KLF12: variants seen among roughly 807,000 people sequenced by gnomAD.
KLF12 encodes KLF transcription factor 12.
KLF12 carries 9 observed loss-of-function variants against 37.8 expected under a neutral mutation model. The ratio of observed to expected loss-of-function variants is 0.24; its 90% CI spans 0.14 to 0.42. The LOEUF is 0.42. Among genes scored for constraint, KLF12 ranks in the 10% least tolerant of loss-of-function variants. The probability of loss-of-function intolerance (pLI) is 1.00; values close to 1 mark genes in which losing one functional copy is unlikely to be tolerated. For synonymous variants in KLF12, 208 were observed against 202.1 expected (o/e 1.03, Z -0.25); for missense variants, 411 against 516.0 (o/e 0.80, Z 1.97).
At chr13:73,960,853 A>T (rs1370859968) in intron 2 of KLF12, among the ~76,000 whole-genome samples, 3 of 152,190 alleles carry the variant, frequency 2.0e-5, no homozygotes, top group Admixed American at 6.5e-5. Context: ...GTTCCTTGAC[A>T]ATAGACAAAT....
intron 3 of KLF12, among the ~76,000 whole-genome samples, chr13:73,849,951 G>A (rs950463343): frequency 1.3e-5 from 2 of 152,118 alleles, no homozygotes; most frequent in Admixed American, 6.6e-5. Context: ...ACAACATGAA[G>A]ATTGTATAAG....
At chr13:74,153,544 T>C in the KLF12 span, among the ~76,000 whole-genome samples, 1 of 152,298 alleles carries the variant, frequency 6.6e-6, no homozygotes, top group African/African-American at 2.4e-5. Flanking sequence ...GTTCCAAATA[T>C]GGGGTTTCTT....
At chr13:73,932,786 A>G (rs1889747755) in intron 3 of KLF12, among the ~76,000 whole-genome samples, 1 of 152,200 alleles carries the variant, frequency 6.6e-6, no homozygotes, top group Admixed American at 6.5e-5. Flanking sequence ...CATTTACTGT[A>G]GGATACTGCA....
chr13:73,870,440 T>A (rs527789577), intron 3 of KLF12, among the ~76,000 whole-genome samples: 3 of 152,242 alleles, frequency 2.0e-5, no homozygotes, highest in Non-Finnish European at 4.4e-5. Context: ...GGTTAGCACT[T>A]TTCAAACATT....
At chr13:73,728,592 T>C (rs1344290635) in intron 6 of KLF12, among the ~76,000 whole-genome samples, 1 of 152,234 alleles carries the variant, frequency 6.6e-6, no homozygotes, top group Non-Finnish European at 1.5e-5. Flanking sequence ...CTGAGGATAC[T>C]GCCACCTATT....
intron 5 of KLF12, among the ~76,000 whole-genome samples, chr13:73,795,185 C>T (rs918048148): frequency 7.2e-5 from 11 of 152,188 alleles, no homozygotes; most frequent in African/African-American, 1.9e-4. Flanking sequence ...GCCTGATCCA[C>T]GCAGACCTTC....
Position 73,688,769 on chromosome 13 carries a change from TGAC to T in KLF12, c.*6718_*6720del, listed in dbSNP as rs1411016383. On this transcript the variant is annotated 3_prime_UTR_variant, in exon 8 of 8. Transcript: ENST00000377669. ...CCGATATTTCACTTGAAAAATATGA[TGAC>T]TACTCATGCATGTTGTCCATAATAA... 1.3e-5 allele frequency: 2 copies of T among 152,178 alleles called. No individual in the cohort carries two copies. Among genetic ancestry groups the T allele is most frequent in the Non-Finnish European group, 2.9e-5 (2 of 68,038 alleles). 9.4% of individuals were successfully genotyped at this position (152,178 alleles called of 1,614,324 possible).
rs576282496 is a variant in KLF12 at position 73,934,765 on chromosome 13, C to A, written c.123+9216G>T. Among the ~76,000 whole-genome samples, 6 of 152,016 alleles carry A rather than the reference C, an allele frequency of 3.9e-5. No homozygotes were observed. In the East Asian group the frequency reaches 1.2e-3, roughly 29 times the overall value. ...TGTGAGTTTATAGTTTCCATCCCAT[C>A]TGAAAAATGTTCAGCTTTTTTTCTT... On this transcript the variant is annotated intron_variant, in intron 3 of 7. Coordinates refer to ENST00000377669, the MANE Select transcript of KLF12 (RefSeq NM_007249.5).
chr13:74,100,529 A>C (rs1440396003), intron 1 of KLF12, among the ~76,000 whole-genome samples: 2 of 152,094 alleles, frequency 1.3e-5, no homozygotes, highest in Admixed American at 1.3e-4. Context: ...GAGACAAGAG[A>C]ATCAGTTGAA....
chr13:73,774,874 T>A (rs1880506090), intron 5 of KLF12, among the ~76,000 whole-genome samples: 1 of 151,888 alleles, frequency 6.6e-6, no homozygotes, highest in Non-Finnish European at 1.5e-5. Flanking sequence ...AGTATATGTG[T>A]GTGTGTCTGT....
At chr13:74,253,047 C>G in the KLF12 span, among the ~76,000 whole-genome samples, 4 of 151,884 alleles carry the variant, frequency 2.6e-5, no homozygotes, top group Non-Finnish European at 5.9e-5. Flanking sequence ...ACCTATCTAT[C>G]TATCATCTAT....
At chr13:74,097,340 C>A (rs1008040136) in intron 1 of KLF12, among the ~76,000 whole-genome samples, 1 of 152,124 alleles carries the variant, frequency 6.6e-6, no homozygotes, top group Non-Finnish European at 1.5e-5. Flanking sequence ...AAAATGTGAT[C>A]ATTTTATACT....
At chr13:73,967,834 G>A (rs949880869) in intron 2 of KLF12, among the ~76,000 whole-genome samples, 29 of 152,116 alleles carry the variant, frequency 1.9e-4, no homozygotes, top group African/African-American at 6.8e-4. Context: ...TGATGACTCA[G>A]ACTAATAATT....
At chr13:73,916,211 A>ACACACC (rs1888822559) in intron 3 of KLF12, among the ~76,000 whole-genome samples, 1 of 16,152 alleles carries the variant, frequency 6.2e-5, no homozygotes, top group Non-Finnish European at 1.4e-4. Context: ...TAATACTTAC[A>ACACACC]CACACACACA....
At chr13:74,057,824 G>A (rs1424009644) in intron 1 of KLF12, among the ~76,000 whole-genome samples, 3 of 152,156 alleles carry the variant, frequency 2.0e-5, no homozygotes, top group African/African-American at 7.2e-5. Context: ...TTCAAAGGGA[G>A]AAGAGAAAGA....
intron 6 of KLF12, among the ~76,000 whole-genome samples, chr13:73,734,979 C>T (rs1361983300): frequency 6.6e-6 from 1 of 152,000 alleles, no homozygotes; most frequent in Non-Finnish European, 1.5e-5. Context: ...AATTATATCC[C>T]ACAATCTCTC....
chr13:74,181,963 A>C, the KLF12 span, among the ~76,000 whole-genome samples: 1 of 152,224 alleles, frequency 6.6e-6, no homozygotes, highest in Non-Finnish European at 1.5e-5. Flanking sequence ...TATGCCTAAC[A>C]CACATATATA....
chr13:73,994,384 A>G (rs957392259), intron 2 of KLF12, among the ~76,000 whole-genome samples: 6 of 152,188 alleles, frequency 3.9e-5, no homozygotes, highest in Non-Finnish European at 7.3e-5. Flanking sequence ...TTTACATTGT[A>G]ACCAGTAGAA....
chr13:74,272,413 G>C, the KLF12 span, among the ~76,000 whole-genome samples: 1 of 152,146 alleles, frequency 6.6e-6, no homozygotes, highest in African/African-American at 2.4e-5. Context: ...AAAAATAATT[G>C]TATAGATTGA....
Sources: allele counts gnomAD v4.1 joint callset (sites outside exome capture counted in the v4.1 genomes callset), GRCh38; gene constraint gnomAD v4.1.1; transcripts MANE v1.5; gene names NCBI Gene and HGNC (gene_info 2026-07-23, HGNC 2026-07-21).